Variants in A4GALT observed in about 807,000 individuals in gnomAD.
A4GALT encodes alpha 1,4-galactosyltransferase (P1PK blood group), also known as lactosylceramide 4-alpha-galactosyltransferase.
For missense variants in A4GALT, 512 were observed against 486.0 expected, an observed-to-expected ratio of 1.05 and a Z score of -0.50; for synonymous variants, 257 against 220.7, an observed-to-expected ratio of 1.16 and a Z score of -1.46.
intron 1 of A4GALT, among the ~76,000 whole-genome samples, chr22:42,704,830 A>T (rs550984776): frequency 1.7e-5 from 2 of 116,892 alleles, no homozygotes; most frequent in South Asian, 6.0e-4. Flanking sequence ...ACCACAGTTG[A>T]GTGTGGCCCA....
intron 1 of A4GALT, among the ~76,000 whole-genome samples, chr22:42,707,125 G>C (rs1921214234): frequency 6.6e-6 from 1 of 152,058 alleles, no homozygotes; most frequent in Non-Finnish European, 1.5e-5. Context: ...TAATCAGTAA[G>C]GTACTATAAT....
chr22:42,704,899 G>C (rs113920049), intron 1 of A4GALT, among the ~76,000 whole-genome samples: 3 of 151,368 alleles, frequency 2.0e-5, no homozygotes, highest in African/African-American at 4.8e-5. Flanking sequence ...CGGCGGAGGC[G>C]GGGGAGCTCA....
intron 1 of A4GALT, among the ~76,000 whole-genome samples, chr22:42,712,899 A>C (rs968969237): frequency 2.0e-5 from 3 of 152,162 alleles, no homozygotes; most frequent in Admixed American, 6.6e-5. Flanking sequence ...CTCCGTCTCA[A>C]TAAAACAACA....
chr22:42,718,334 T>G (rs1308510090), intron 1 of A4GALT: 1 of 152,246 alleles, frequency 6.6e-6, no homozygotes, highest in Admixed American at 6.5e-5. Context: ...CCATCTCGGC[T>G]CACTGCACTC....
chr22:42,693,077 C>T lies in A4GALT; in HGVS notation c.875G>A (p.Trp292Ter). 1 of 1,612,394 alleles carries T rather than the reference C, an allele frequency of 6.2e-7. No individual in the cohort carries two copies. Among genetic ancestry groups the T allele is most frequent in the Non-Finnish European group, 8.5e-7 (1 of 1,178,976 alleles). ...GTTGATGTCCTCAAAGTACTTCTTC[C>T]AGTCCTGCCAGGGGATGGGGTAGAA... is the stretch of plus-strand genomic sequence containing the variant. ...EAFYPIPWQD[W>*]KKYFEDINPE... Residue 292 changes from tryptophan (W) to a stop codon, truncating the protein, a stop_gained, in exon 3 of 3, where the codon TGG becomes TAG. Coordinates refer to ENST00000642412, the MANE Select transcript of A4GALT (RefSeq NM_017436.7). LOFTEE classifies it high-confidence loss of function.
At chr22:42,697,544 G>A (rs927660187) in intron 1 of A4GALT, among the ~76,000 whole-genome samples, 3 of 152,114 alleles carry the variant, frequency 2.0e-5, no homozygotes, top group Admixed American at 6.5e-5. Context: ...TGGTGTGGGC[G>A]GGGTCCGGGC....
chr22:42,714,779 GAAAT>G (rs1043674295), intron 1 of A4GALT, among the ~76,000 whole-genome samples: 2 of 151,992 alleles, frequency 1.3e-5, no homozygotes, highest in African/African-American at 4.8e-5. Context: ...AAAAAGAAAA[GAAAT>G]AAAGAAATAC....
chr22:42,694,047 C>G, intron 2 of A4GALT, 50 bp from the exon 3 acceptor site: 1 of 1,166,172 alleles, frequency 8.6e-7, no homozygotes, highest in Non-Finnish European at 1.2e-6. Context: ...CATTCCCGAT[C>G]CACAAGGAAA....
intron 1 of A4GALT, among the ~76,000 whole-genome samples, 169 bp downstream of exon 1, chr22:42,720,628 G>T (rs1190360042): frequency 6.6e-6 from 1 of 152,006 alleles, no homozygotes; most frequent in Admixed American, 6.5e-5. Flanking sequence ...CGCCGCGCGG[G>T]GTTCGTGCGC....
intron 1 of A4GALT, among the ~76,000 whole-genome samples, chr22:42,697,012 TAA>T (rs1371640071): frequency 6.6e-6 from 1 of 151,688 alleles, no homozygotes; most frequent in Non-Finnish European, 1.5e-5. Flanking sequence ...GCATTTATTC[TAA>T]CACACGGTAC....
chr22:42,709,343 C>CA lies in A4GALT; in HGVS notation c.-188+11453_-188+11454insT, dbSNP rs368146424. Among the ~76,000 whole-genome samples, 151 of 102,406 alleles carry CA rather than the reference C, an allele frequency of 1.5e-3. 5 individuals are homozygous for CA. Among genetic ancestry groups the CA allele is most frequent in the African/African-American group, 1.6e-3 (41 of 25,816 alleles). The allele number at this position is 102,406 out of a possible 152,430, so 67.2% of individuals were successfully genotyped here. On this transcript the variant is annotated intron_variant, in intron 1 of 2. Transcript: ENST00000642412. The stretch of plus-strand genomic sequence containing the variant: ...TACAGGCACGAGCCACTGTGCCAGG[C>CA]CAAAAAAAAAAAAAAAAATTTAAGT...
At chr22:42,712,075 C>A (rs1254473654) in intron 1 of A4GALT, among the ~76,000 whole-genome samples, 1 of 152,216 alleles carries the variant, frequency 6.6e-6, no homozygotes, top group East Asian at 1.9e-4. Flanking sequence ...TTTGAAGGTA[C>A]AAATCAAGTC....
intron 1 of A4GALT, among the ~76,000 whole-genome samples, chr22:42,713,693 T>C (rs1921890017): frequency 6.6e-6 from 1 of 151,594 alleles, no homozygotes; most frequent in African/African-American, 2.4e-5. Context: ...GCACCTGTAA[T>C]CCCAGCTACT....
chr22:42,703,843 G>A (rs1347259497), intron 1 of A4GALT, among the ~76,000 whole-genome samples: 1 of 152,144 alleles, frequency 6.6e-6, no homozygotes, highest in Non-Finnish European at 1.5e-5. Flanking sequence ...GGGGCAGAAG[G>A]CCACAGAGCC....
chr22:42,696,204 T>C lies in A4GALT; in HGVS notation c.-187-573A>G, dbSNP rs531609687. Among the ~76,000 whole-genome samples the C allele has an allele frequency of 2.1e-3, 312 of 149,836 alleles. 1 individual carries two copies. The highest frequency in any genetic ancestry group is 3.8e-3 in the Non-Finnish European group (259 of 67,666). On this transcript the variant is annotated intron_variant, in intron 1 of 2. Coordinates refer to ENST00000642412, the MANE Select transcript of A4GALT (RefSeq NM_017436.7). Reference sequence around the variant, plus strand: ...GGGAGGCCAAGGTGGGCAGATCACTTGAGGTCGGGAATTCGAGAACAGCCT... The same window carrying C: ...GGGAGGCCAAGGTGGGCAGATCACTCGAGGTCGGGAATTCGAGAACAGCCT...
Position 42,715,644 on chromosome 22 carries a change from G to A in A4GALT, c.-188+5153C>T, listed in dbSNP as rs575253573. Among the ~76,000 whole-genome samples the A allele has an allele frequency of 1.2e-4, 18 of 152,058 alleles. 1 individual carries two copies. Among genetic ancestry groups the A allele is most frequent in the Middle Eastern group, 6.8e-3 (2 of 294 alleles). On this transcript the variant is annotated intron_variant, in intron 1 of 2. Transcript: ENST00000642412. ...TGGGAGGATCGCTTGAGCCCAGGAG[G>A]TTGAGGCTGTAGTGAGCCATGATTG...
At chr22:42,704,898 C>T (rs1488465909) in intron 1 of A4GALT, among the ~76,000 whole-genome samples, 2 of 123,148 alleles carry the variant, frequency 1.6e-5, no homozygotes, top group Non-Finnish European at 3.4e-5. Context: ...GCGGCGGAGG[C>T]GGGGGAGCTC....
intron 1 of A4GALT, among the ~76,000 whole-genome samples, chr22:42,707,530 G>A (rs1921258438): frequency 6.6e-6 from 1 of 152,066 alleles, no homozygotes. Flanking sequence ...GGTGGCACAT[G>A]CATGTAGTCC....
chr22:42,704,642 G>T (rs982836061), intron 1 of A4GALT, among the ~76,000 whole-genome samples: 1 of 151,994 alleles, frequency 6.6e-6, no homozygotes, highest in East Asian at 1.9e-4. Flanking sequence ...TCAAGCAGGC[G>T]GTCTTGCTGT....
Sources: gnomAD v4.1 joint callset for allele counts (sites outside exome capture counted in the v4.1 genomes callset) on GRCh38, gnomAD v4.1.1 for gene constraint, MANE v1.5 for transcripts, NCBI Gene and HGNC (gene_info 2026-07-23, HGNC 2026-07-21) for gene names.